CAMKK1: variants seen among roughly 807,000 people sequenced by gnomAD.
CAMKK1 encodes calcium/calmodulin-dependent protein kinase kinase 1.
A neutral mutation model predicts 63.5 loss-of-function variants in CAMKK1; 20 were observed. The observed-to-expected ratio is 0.32, with a 90% CI of 0.22 to 0.46. The LOEUF is 0.46. Ranked by LOEUF, CAMKK1 falls within the 20% of genes least tolerant of loss-of-function variation. The pLI is 1.00. For missense variants in CAMKK1, 588 were observed against 658.1 expected, an observed-to-expected ratio of 0.89 and a Z score of 1.17; for synonymous variants, 253 against 269.0, an observed-to-expected ratio of 0.94 and a Z score of 0.58.
Position 3,883,966 on chromosome 17 carries a change from T to C in CAMKK1, c.409-29A>G, listed in dbSNP as rs756902924. The C allele has an allele frequency of 1.2e-6, 2 of 1,611,538 alleles. No individual in the cohort carries two copies. The highest frequency in any genetic ancestry group is 1.7e-6 in the Non-Finnish European group (2 of 1,179,048). On this transcript the variant is annotated intron_variant, in intron 3 of 15. Transcript: ENST00000348335. The surrounding 1 kb of genome is among the most constrained non-coding windows in gnomAD (Gnocchi z 4.7). ...CAGATAGGCATCAGTCAGCCCCACC[T>C]GGACAGGGCAACCCCTCCCAGGACC...
rs564326782 is a variant in CAMKK1 at position 3,889,037 on chromosome 17, G to A, written c.-43-3307C>T. Among the ~76,000 whole-genome samples the A allele has an allele frequency of 4.6e-5, 7 of 152,222 alleles. No homozygotes were observed. The highest frequency in any genetic ancestry group is 1.9e-4 in the East Asian group (1 of 5,166). On this transcript the variant is annotated intron_variant, in intron 1 of 15. Transcript: ENST00000348335. The surrounding 1 kb of genome is among the most constrained non-coding windows in gnomAD (Gnocchi z 5.2). Reference sequence around the variant, plus strand: ...TGCGCCTGTGTGCCTGCAGGTCTCCGTGTACCTATGCCCAGGGTAGGGGGG... The same window carrying A: ...TGCGCCTGTGTGCCTGCAGGTCTCCATGTACCTATGCCCAGGGTAGGGGGG...
rs1192749719 is a variant in CAMKK1, at chr17:3,883,964, C to T, written c.409-27G>A. 1.2e-6 allele frequency: 2 copies of T among 1,612,342 alleles called. No homozygotes were observed. Among genetic ancestry groups the T allele is most frequent in the Non-Finnish European group, 8.5e-7 (1 of 1,179,516 alleles). ...TGCAGATAGGCATCAGTCAGCCCCA[C>T]CTGGACAGGGCAACCCCTCCCAGGA... is the stretch of plus-strand genomic sequence containing the variant. On this transcript the variant is annotated intron_variant, in intron 3 of 15. Coordinates refer to ENST00000348335, the MANE Select transcript of CAMKK1 (RefSeq NM_032294.3). The surrounding 1 kb of genome is among the most constrained non-coding windows in gnomAD (Gnocchi z 4.7).
intron 12 of CAMKK1, among the ~76,000 whole-genome samples, chr17:3,871,503 C>T (rs1460880382): frequency 3.0e-4 from 44 of 146,482 alleles, no homozygotes; most frequent in South Asian, 1.5e-3. Flanking sequence ...TACAGGCACC[C>T]GCCACCACGC....
rs1276045357 is a variant in CAMKK1, at chr17:3,890,837, C to A, written c.-44+2102G>T. The A allele has an allele frequency of 1.4e-5, 11 of 770,500 alleles. No individual in the cohort carries two copies. The highest frequency in any genetic ancestry group is 2.2e-5 in the Non-Finnish European group (9 of 413,036). The allele number at this position is 770,500 out of a possible 1,614,324, so 47.7% of individuals were successfully genotyped here. A position where few individuals can be genotyped will look rare whatever the true frequency, so the allele number is the denominator to read the frequency against. ...CAGCTCAGACATCGCCTCTTCTGAG[C>A]CCTCCTTGATCTCCCCACTACCTGC... On this transcript the variant is annotated intron_variant, in intron 1 of 15. Coordinates refer to ENST00000348335, the MANE Select transcript of CAMKK1 (RefSeq NM_032294.3). The surrounding 1 kb of genome is among the most constrained non-coding windows in gnomAD (Gnocchi z 6.5).
chr17:3,882,964 C>G lies in CAMKK1; in HGVS notation c.648+78G>C. ...CCTGGGCAAGATCCCTGGGTCTGTGCTAGGGGCTCCCCAGCACCAGAAGCG... is the reference window on the plus strand; with the variant it reads ...CCTGGGCAAGATCCCTGGGTCTGTGGTAGGGGCTCCCCAGCACCAGAAGCG... On this transcript the variant is annotated intron_variant, in intron 6 of 15. Coordinates refer to ENST00000348335, the MANE Select transcript of CAMKK1 (RefSeq NM_032294.3). This position sits in a 1 kb window ranked among gnomAD's most constrained non-coding sequence, Gnocchi z 4.3. 1 of 1,571,898 alleles carries G rather than the reference C, an allele frequency of 6.4e-7. No individual in the cohort carries two copies. The highest frequency in any genetic ancestry group is 1.7e-5 in the Admixed American group (1 of 58,288).
At position 3,879,653 on chromosome 17, in the gene CAMKK1, C is replaced by T. The variant is rs1453701490; in HGVS notation, c.796+693G>A. 6.6e-6 allele frequency: 1 copy of T among 152,454 alleles called. No homozygotes were observed. The highest frequency in any genetic ancestry group is 1.5e-5 in the Non-Finnish European group (1 of 68,200). 9.4% of individuals were successfully genotyped at this position (152,454 alleles called of 1,614,324 possible). ...CGTCTTCCACGCCCATCCCTCAAAA[C>T]CTGAGCAGGGAAGTCTACTCATCCC... On this transcript the variant is annotated intron_variant, in intron 9 of 15. Coordinates refer to ENST00000348335, the MANE Select transcript of CAMKK1 (RefSeq NM_032294.3). The surrounding 1 kb of genome is among the most constrained non-coding windows in gnomAD (Gnocchi z 4.5).
Position 3,880,343 on chromosome 17 carries a change from C to T in CAMKK1, c.796+3G>A. 6.2e-7 allele frequency: 1 copy of T among 1,613,670 alleles called. No homozygotes were observed. Among genetic ancestry groups the T allele is most frequent in the Non-Finnish European group, 8.5e-7 (1 of 1,179,808 alleles). On this transcript the variant is annotated splice_donor_region_variant and intron_variant, in intron 9 of 15. Coordinates refer to ENST00000348335, the MANE Select transcript of CAMKK1 (RefSeq NM_032294.3). ...CCCAGTGGGCAAGCTGCCCCGCACTCACAGTACTCGAGGCCCAGGATGACG... is the reference window on the plus strand; with the variant it reads ...CCCAGTGGGCAAGCTGCCCCGCACTTACAGTACTCGAGGCCCAGGATGACG...
Position 3,887,362 on chromosome 17 carries a change from G to A in CAMKK1, c.-43-1632C>T, listed in dbSNP as rs1226193144. Among the ~76,000 whole-genome samples, 1 of 152,232 alleles carries A rather than the reference G, an allele frequency of 6.6e-6. No individual in the cohort carries two copies. The highest frequency in any genetic ancestry group is 1.5e-5 in the Non-Finnish European group (1 of 68,046). On this transcript the variant is annotated intron_variant, in intron 1 of 15. Coordinates refer to ENST00000348335, the MANE Select transcript of CAMKK1 (RefSeq NM_032294.3). This position sits in a 1 kb window ranked among gnomAD's most constrained non-coding sequence, Gnocchi z 6.1. ...GAGGCGGTGGGGCTGGTGCTGACAT[G>A]GAGAAAGGAAGAGAGGAGGCTCCAC...
intron 1 of CAMKK1, among the ~76,000 whole-genome samples, chr17:3,886,676 CAG>C (rs2055666511): frequency 6.6e-6 from 1 of 152,078 alleles, no homozygotes. Flanking sequence ...AGGGGTGAAA[CAG>C]GGGCATGACA....
chr17:3,863,608 T>C (rs1270691011), intron 15 of CAMKK1, among the ~76,000 whole-genome samples: 1 of 152,098 alleles, frequency 6.6e-6, no homozygotes, highest in African/African-American at 2.4e-5. Context: ...GTGTGGTGGC[T>C]CATGCCTGTA....
At chr17:3,873,316 G>C (rs2054979388) in intron 11 of CAMKK1, 93 bp downstream of exon 11, 2 of 1,150,796 alleles carry the variant, frequency 1.7e-6, no homozygotes, top group Non-Finnish European at 2.6e-6. Flanking sequence ...TCTTTCAAAA[G>C]CCACTTAAGG....
chr17:3,867,179 C>T (rs1305855741), intron 14 of CAMKK1, among the ~76,000 whole-genome samples: 1 of 152,190 alleles, frequency 6.6e-6, no homozygotes, highest in East Asian at 1.9e-4. Context: ...TCAGGGAAGG[C>T]TCGCTTCTCT....
rs934638393 is a variant in CAMKK1, at chr17:3,883,293, C to A, written c.515-118G>T. 6.7e-7 allele frequency: 1 copy of A among 1,485,614 alleles called. No homozygotes were observed. Among genetic ancestry groups the A allele is most frequent in the African/African-American group, 1.4e-5 (1 of 72,426 alleles). The allele number at this position is 1,485,614 out of a possible 1,614,324, so 92.0% of individuals were successfully genotyped here. On this transcript the variant is annotated intron_variant, in intron 5 of 15. Transcript: ENST00000348335. This position sits in a 1 kb window ranked among gnomAD's most constrained non-coding sequence, Gnocchi z 4.7. ...CGTGGTCTTGTCCCAACCCACAGGG[C>A]ACATTCTGTCCCCAGGCCTCTGCTC...
At chr17:3,874,657 G>A (rs1451586429) in intron 10 of CAMKK1, among the ~76,000 whole-genome samples, 8 of 151,394 alleles carry the variant, frequency 5.3e-5, no homozygotes, top group African/African-American at 1.7e-4. Context: ...ACAGGTGCCC[G>A]CCACCATGCC....
chr17:3,892,546 G>A lies in CAMKK1; in HGVS notation c.-44+393C>T, dbSNP rs1475974841. 6.6e-6 allele frequency among the ~76,000 whole-genome samples: 1 copy of A among 152,178 alleles called. No individual in the cohort carries two copies. Among genetic ancestry groups the A allele is most frequent in the African/African-American group, 2.4e-5 (1 of 41,446 alleles). On this transcript the variant is annotated intron_variant, in intron 1 of 15. Transcript: ENST00000348335. This position sits in a 1 kb window ranked among gnomAD's most constrained non-coding sequence, Gnocchi z 7.5. ...CTGCAGGAAGACGCTCCGGCGGGCCGTGGGAGGAGCGCTCCGCGGAGAACC... is the reference window on the plus strand; with the variant it reads ...CTGCAGGAAGACGCTCCGGCGGGCCATGGGAGGAGCGCTCCGCGGAGAACC...
In CAMKK1 at chr17:3,892,741, C is replaced by G. The variant is rs1005611487; in HGVS notation, c.-44+198G>C. Among the ~76,000 whole-genome samples, 3 of 152,036 alleles carry G rather than the reference C, an allele frequency of 2.0e-5. No individual in the cohort carries two copies. The highest frequency in any genetic ancestry group is 7.2e-5 in the African/African-American group (3 of 41,390). ...GCGGTCCCGGCGGCCGGCGCAGACC[C>G]GAGCAGACTCCGCGAGGCACCCCGC... On this transcript the variant is annotated intron_variant, in intron 1 of 15. Coordinates refer to ENST00000348335, the MANE Select transcript of CAMKK1 (RefSeq NM_032294.3). The surrounding 1 kb of genome is among the most constrained non-coding windows in gnomAD (Gnocchi z 7.5).
chr17:3,872,567 C>G lies in CAMKK1; in HGVS notation c.1111G>C (p.Val371Leu). The G allele has an allele frequency of 6.2e-7, 1 of 1,613,952 alleles. No homozygotes were observed. The highest frequency in any genetic ancestry group is 8.5e-7 in the Non-Finnish European group (1 of 1,179,838). The stretch of plus-strand genomic sequence containing the variant: ...TGGACAACTCACTCCTCAGGAAACA[C>G]CACGGGCTCATTCTTGATCTTCCTG... ...LHRKIKNEPV[V>L]FPEEPEISEE... is the part of the protein sequence containing the mutation. The change falls in exon 12 of 16, where the codon GTG becomes CTG. Residue 371 changes from valine to leucine, a missense_variant. By Grantham distance (32) the Val-to-Leu change is conservative. Coordinates refer to ENST00000348335, the MANE Select transcript of CAMKK1 (RefSeq NM_032294.3).
chr17:3,861,439 T>A lies in CAMKK1; in HGVS notation c.*772A>T, dbSNP rs1461217329. 6.6e-6 allele frequency: 1 copy of A among 152,384 alleles called. No homozygotes were observed. The highest frequency in any genetic ancestry group is 2.1e-4 in the South Asian group (1 of 4,836). 9.4% of individuals were successfully genotyped at this position (152,384 alleles called of 1,614,324 possible). ...CGATGTGGTGCTTCCGCTTCAGGCCTCTGCTCAGAGCTTGATTCCGTTCAG... is the reference window on the plus strand; with the variant it reads ...CGATGTGGTGCTTCCGCTTCAGGCCACTGCTCAGAGCTTGATTCCGTTCAG... On this transcript the variant is annotated 3_prime_UTR_variant, in exon 16 of 16. Transcript: ENST00000348335.
At position 3,884,805 on chromosome 17, in the gene CAMKK1, G is replaced by A. The variant is rs55771332; in HGVS notation, c.361-378C>T. ...GGTCTAGACTCCAAGGACAAGATGA[G>A]GAGCCCTGGGCACAGAGGCTGAGAG... On this transcript the variant is annotated intron_variant, in intron 2 of 15. Transcript: ENST00000348335. The surrounding 1 kb of genome is among the most constrained non-coding windows in gnomAD (Gnocchi z 4.5). 0.053 allele frequency among the ~76,000 whole-genome samples: 8,034 copies of A among 152,266 alleles called. 243 individuals carry two copies. Among genetic ancestry groups the A allele is most frequent in the Non-Finnish European group, 0.071 (4,799 of 68,024 alleles).
Sources: gnomAD v4.1 joint callset for allele counts (sites outside exome capture counted in the v4.1 genomes callset) on GRCh38, gnomAD v4.1.1 for gene constraint, Gnocchi (gnomAD v3.1) non-coding constraint, MANE v1.5 for transcripts, NCBI Gene and HGNC (gene_info 2026-07-23, HGNC 2026-07-21) for gene names.